The following ADAMTSL1 variants were observed in gnomAD, a reference collection of about 807,000 sequenced individuals.
ADAMTSL1 encodes the protein ADAMTS-like protein 1.
Under a neutral mutation model 201.8 loss-of-function variants are expected in ADAMTSL1, and 126 were observed. The ratio of observed to expected loss-of-function variants is 0.62; its 90% CI spans 0.54 to 0.72. The LOEUF is 0.72. Ranked by LOEUF, ADAMTSL1 falls within the 30% of genes least tolerant of loss-of-function variation. ADAMTSL1 has a pLI of 0.00. For missense variants in ADAMTSL1, 2,679 were observed against 2,277.8 expected (o/e 1.18, Z -3.59); for synonymous variants, 1,121 against 903.4 (o/e 1.24, Z -4.32).
Position 18,384,699 on chromosome 9 carries a change from A to G in ADAMTSL1, c.208-120130A>G, listed in dbSNP as rs146529690. Among the ~76,000 whole-genome samples, 37 of 152,190 alleles carry G rather than the reference A, an allele frequency of 2.4e-4. No homozygotes were observed. In the East Asian group the frequency reaches 6.4e-3, roughly 26 times the overall value. ...TTGGATCTCTGATGTCCTCTGGGTC[A>G]AACCCAATAGGATTCCTTTTACCAG... On this transcript the variant is annotated intron_variant, in intron 2 of 29. Coordinates refer to the ADAMTSL1 transcript ENST00000680146.
chr9:18,108,635 C>A (rs1824867555), intron 1 of ADAMTSL1, among the ~76,000 whole-genome samples: 1 of 152,108 alleles, frequency 6.6e-6, no homozygotes, highest in Non-Finnish European at 1.5e-5. Context: ...TTAAAAAATA[C>A]TGCATCCTCA....
chr9:18,164,909 A>G (rs1356231753), intron 2 of ADAMTSL1, among the ~76,000 whole-genome samples: 1 of 151,658 alleles, frequency 6.6e-6, no homozygotes, highest in Non-Finnish European at 1.5e-5. Flanking sequence ...GGCACTTCTT[A>G]TTGTTTTTGT....
chr9:18,111,464 A>C (rs968915755), intron 1 of ADAMTSL1, among the ~76,000 whole-genome samples: 1 of 152,172 alleles, frequency 6.6e-6, no homozygotes, highest in Non-Finnish European at 1.5e-5. Context: ...ATGTCCAAGA[A>C]GCCCTTTTAA....
chr9:18,637,815 T>C (rs1380854416), intron 6 of ADAMTSL1, among the ~76,000 whole-genome samples: 1 of 152,070 alleles, frequency 6.6e-6, no homozygotes, highest in Non-Finnish European at 1.5e-5. Flanking sequence ...GATGAGGCAA[T>C]CTAGTCTGCC....
intron 1 of ADAMTSL1, among the ~76,000 whole-genome samples, chr9:18,155,521 A>C (rs1453205096): frequency 6.6e-6 from 1 of 152,088 alleles, no homozygotes. Flanking sequence ...GTGGCCCAAC[A>C]CAAATTTGTA....
At chr9:17,926,215 G>A (rs922614838) in intron 1 of ADAMTSL1, among the ~76,000 whole-genome samples, 1 of 152,120 alleles carries the variant, frequency 6.6e-6, no homozygotes, top group Non-Finnish European at 1.5e-5. Flanking sequence ...CACCTGCAGA[G>A]AAATAAAGGT....
In ADAMTSL1 at chr9:18,474,231, G is replaced by A. The variant is rs2131763623; in HGVS notation, c.-2G>A. The A allele has an allele frequency of 6.2e-7, 1 of 1,614,134 alleles. No individual in the cohort carries two copies. The highest frequency in any genetic ancestry group is 1.7e-5 in the Admixed American group (1 of 60,016). ...GATTCTGATTCCGGCAAGGATCCAA[G>A]CATGGAATGCTGCCGTCGGGCAACT... On this transcript the variant is annotated 5_prime_UTR_variant, in exon 1 of 29. Transcript: ENST00000380548.
chr9:17,955,064 G>A (rs1271962827), intron 1 of ADAMTSL1, among the ~76,000 whole-genome samples: 2 of 152,160 alleles, frequency 1.3e-5, no homozygotes, highest in Admixed American at 6.6e-5. Flanking sequence ...ACATACACAT[G>A]TATATATGTG....
At chr9:18,341,323 C>A (rs1396538358) in intron 2 of ADAMTSL1, among the ~76,000 whole-genome samples, 4 of 152,080 alleles carry the variant, frequency 2.6e-5, no homozygotes, top group African/African-American at 9.7e-5. Context: ...TTTGTCTGGG[C>A]TTTTGTTATG....
intron 4 of ADAMTSL1, among the ~76,000 whole-genome samples, chr9:18,578,691 G>A (rs7389198): frequency 0.14 from 21,981 of 152,074 alleles, 2,019 homozygotes; most frequent in Admixed American, 0.25. Context: ...ATAAACATAC[G>A]TGTGCATGTG....
At chr9:17,941,855 G>T (rs769088407) in intron 1 of ADAMTSL1, among the ~76,000 whole-genome samples, 2 of 152,042 alleles carry the variant, frequency 1.3e-5, no homozygotes, top group East Asian at 3.9e-4. Flanking sequence ...TTTGATGAGG[G>T]TCTACTCCCT....
At chr9:18,171,226 T>C (rs1029516866) in intron 2 of ADAMTSL1, among the ~76,000 whole-genome samples, 2 of 151,962 alleles carry the variant, frequency 1.3e-5, no homozygotes, top group Non-Finnish European at 2.9e-5. Context: ...AAAAAGAACT[T>C]GGTATATCAC....
intron 3 of ADAMTSL1, among the ~76,000 whole-genome samples, chr9:18,568,032 A>G (rs79660976): frequency 0.018 from 2,752 of 152,238 alleles, 83 homozygotes; most frequent in African/African-American, 0.062. Context: ...TCTCTCTTTC[A>G]TTCTCTCAAA....
intron 1 of ADAMTSL1, among the ~76,000 whole-genome samples, chr9:18,479,549 C>T (rs2131798592): frequency 6.6e-6 from 1 of 152,308 alleles, no homozygotes; most frequent in African/African-American, 2.4e-5. Context: ...AATTGCTTGT[C>T]AGAAGGCATA....
chr9:18,067,545 A>T (rs751184508), intron 1 of ADAMTSL1, among the ~76,000 whole-genome samples: 17 of 152,240 alleles, frequency 1.1e-4, no homozygotes, highest in Admixed American at 7.2e-4. Context: ...TAGATTACAA[A>T]ACTTTCCTGA....
At chr9:18,146,169 T>A (rs1413569958) in intron 1 of ADAMTSL1, among the ~76,000 whole-genome samples, 1 of 152,168 alleles carries the variant, frequency 6.6e-6, no homozygotes, top group Non-Finnish European at 1.5e-5. Context: ...TGTTTGGCAG[T>A]TTCTTAGAAA....
chr9:18,824,155 T>C (rs1195308268), intron 21 of ADAMTSL1, among the ~76,000 whole-genome samples: 3 of 150,968 alleles, frequency 2.0e-5, no homozygotes, highest in African/African-American at 7.3e-5. Context: ...AATTTACTTC[T>C]GAGGCTGTCT....
intron 9 of ADAMTSL1, among the ~76,000 whole-genome samples, chr9:18,662,322 C>G (rs571356973): frequency 2.1e-4 from 32 of 152,192 alleles, no homozygotes; most frequent in Admixed American, 3.9e-4. Context: ...TCTTCAGAGT[C>G]ATTTTCTCTT....
chr9:18,175,927 A>G (rs557628860), intron 2 of ADAMTSL1, among the ~76,000 whole-genome samples: 18 of 144,664 alleles, frequency 1.2e-4, no homozygotes, highest in Non-Finnish European at 2.7e-4. Context: ...AGGGAATTTT[A>G]GTCCAAGTCT....
Sources: gnomAD v4.1 joint callset for allele counts (sites outside exome capture counted in the v4.1 genomes callset) on GRCh38, gnomAD v4.1.1 for gene constraint, MANE v1.5 for transcripts, NCBI Gene and HGNC (gene_info 2026-07-23, HGNC 2026-07-21) for gene names.